The following TLN2 variants were observed in gnomAD, a reference collection of about 807,000 sequenced individuals.
TLN2 encodes talin 2.
A neutral mutation model predicts 294.7 loss-of-function variants in TLN2; 118 were observed. The ratio of observed to expected loss-of-function variants is 0.40; its 90% CI spans 0.34 to 0.47. TLN2 has a LOEUF of 0.47. Ranked by LOEUF, TLN2 falls within the 20% of genes least tolerant of loss-of-function variation. The pLI is 0.84. For missense variants in TLN2, 3,083 were observed against 3,282.2 expected (o/e 0.94, Z 1.48); for synonymous variants, 1,431 against 1,304.5 (o/e 1.10, Z -2.09).
At chr15:62,746,371 A>G (rs1242748105) in intron 32 of TLN2, among the ~76,000 whole-genome samples, 1 of 152,200 alleles carries the variant, frequency 6.6e-6, no homozygotes, top group Non-Finnish European at 1.5e-5. Flanking sequence ...CCTTGGAACT[A>G]GGGATTGTCC....
intron 1 of TLN2, among the ~76,000 whole-genome samples, chr15:62,548,997 C>T (rs1043948069): frequency 6.6e-6 from 1 of 152,138 alleles, no homozygotes; most frequent in Non-Finnish European, 1.5e-5. Flanking sequence ...AATGGTTTGC[C>T]ACTGGTCTTA....
At chr15:62,453,803 C>T (rs2036299287) in intron 1 of TLN2, 1 of 152,436 alleles carries the variant, frequency 6.6e-6, no homozygotes, top group Non-Finnish European at 1.5e-5. Context: ...TTTTCACTTA[C>T]CTTCTCCCCT....
chr15:62,817,623 T>G (rs1018572541), intron 52 of TLN2, among the ~76,000 whole-genome samples: 23 of 152,110 alleles, frequency 1.5e-4, no homozygotes, highest in Admixed American at 6.5e-4. Flanking sequence ...TTCTAAGCTT[T>G]CTTTATAGTC....
At chr15:62,604,985 T>G (rs148400973) in intron 2 of TLN2, among the ~76,000 whole-genome samples, 1 of 152,310 alleles carries the variant, frequency 6.6e-6, no homozygotes, top group Non-Finnish European at 1.5e-5. Context: ...CTTGTATGTC[T>G]TGTTTCTTAC....
intron 1 of TLN2, among the ~76,000 whole-genome samples, chr15:62,458,276 G>T (rs1305819914): frequency 6.6e-6 from 1 of 152,118 alleles, no homozygotes; most frequent in Admixed American, 6.5e-5. Context: ...GTCAGGCGGG[G>T]TCACTCCTCC....
At chr15:62,685,878 T>G (rs1291663980) in intron 11 of TLN2, among the ~76,000 whole-genome samples, 1 of 152,196 alleles carries the variant, frequency 6.6e-6, no homozygotes, top group Non-Finnish European at 1.5e-5. Context: ...AGTATGTATA[T>G]TTTGAGTTAA....
chr15:62,755,505 C>T, intron 36 of TLN2, 27 bp from the exon 37 acceptor site: 12 of 1,611,136 alleles, frequency 7.4e-6, no homozygotes, highest in Non-Finnish European at 1.0e-5. Flanking sequence ...GCATGGGGTA[C>T]CCCCAACCTA....
intron 24 of TLN2, among the ~76,000 whole-genome samples, chr15:62,718,744 G>A (rs537677121): frequency 1.3e-5 from 2 of 152,296 alleles, no homozygotes; most frequent in Admixed American, 1.3e-4. Flanking sequence ...TGCTAGCAGG[G>A]GTGAAAACTT....
intron 32 of TLN2, among the ~76,000 whole-genome samples, chr15:62,743,846 G>A (rs2061470325): frequency 6.6e-6 from 1 of 151,968 alleles, no homozygotes; most frequent in Non-Finnish European, 1.5e-5. Flanking sequence ...CACACCCCCG[G>A]GCCAGGTTTC....
intron 48 of TLN2, among the ~76,000 whole-genome samples, chr15:62,797,859 C>T (rs562775738): frequency 7.2e-5 from 11 of 152,262 alleles, no homozygotes; most frequent in South Asian, 2.1e-4. Context: ...GTGGGTTCAG[C>T]GACTGTTGCC....
chr15:62,488,509 G>A (rs1261259209), intron 1 of TLN2, among the ~76,000 whole-genome samples: 1 of 152,232 alleles, frequency 6.6e-6, no homozygotes, highest in Non-Finnish European at 1.5e-5. Context: ...GCAGGATCCA[G>A]TGGGACTACA....
chr15:62,655,044 C>T (rs533331330), intron 7 of TLN2, among the ~76,000 whole-genome samples: 27 of 151,982 alleles, frequency 1.8e-4, no homozygotes, highest in Admixed American at 2.0e-4. Flanking sequence ...CTGTGAGGCT[C>T]TCATTTCCTC....
At chr15:62,720,837 T>A (rs540795277) in intron 25 of TLN2, among the ~76,000 whole-genome samples, 6 of 152,328 alleles carry the variant, frequency 3.9e-5, no homozygotes, top group Admixed American at 2.0e-4. Context: ...TTTAATTTTT[T>A]GCCATCATGA....
At chr15:62,671,091 A>G (rs2055354122) in intron 9 of TLN2, among the ~76,000 whole-genome samples, 1 of 151,848 alleles carries the variant, frequency 6.6e-6, no homozygotes, top group Non-Finnish European at 1.5e-5. Flanking sequence ...TTCTTTGGAG[A>G]AATGACTGTT....
intron 7 of TLN2, among the ~76,000 whole-genome samples, chr15:62,654,286 A>G (rs2052940669): frequency 6.6e-6 from 1 of 152,122 alleles, no homozygotes; most frequent in Non-Finnish European, 1.5e-5. Context: ...TTAATTCTTT[A>G]GATCTGGAGG....
intron 3 of TLN2, among the ~76,000 whole-genome samples, chr15:62,621,109 G>T (rs2048786416): frequency 1.3e-5 from 2 of 152,088 alleles, no homozygotes; most frequent in Non-Finnish European, 2.9e-5. Context: ...AAAGTGCTGG[G>T]ATTACAGGTG....
chr15:62,520,724 G>A (rs781001470), intron 1 of TLN2, among the ~76,000 whole-genome samples: 3 of 152,148 alleles, frequency 2.0e-5, no homozygotes, highest in Non-Finnish European at 4.4e-5. Flanking sequence ...AGGAGGTCCA[G>A]TATTACTTAC....
At chr15:62,750,336 T>G (rs1567523469) in intron 33 of TLN2, 66 bp from the exon 34 acceptor site, 2 of 1,304,834 alleles carry the variant, frequency 1.5e-6, no homozygotes, top group Non-Finnish European at 2.2e-6. Flanking sequence ...TAGTTGGCAG[T>G]TGATGTTGAA....
chr15:62,749,839 A>G (rs1422588111), intron 33 of TLN2, among the ~76,000 whole-genome samples: 1 of 152,192 alleles, frequency 6.6e-6, no homozygotes, highest in Non-Finnish European at 1.5e-5. Flanking sequence ...ATACCCATGT[A>G]TTTCTTTGAT....
Sources: gnomAD v4.1 joint callset for allele counts (sites outside exome capture counted in the v4.1 genomes callset) on GRCh38, gnomAD v4.1.1 for gene constraint, MANE v1.5 for transcripts, NCBI Gene and HGNC (gene_info 2026-07-23, HGNC 2026-07-21) for gene names.